Variants in KLF3 observed in about 807,000 individuals in gnomAD.
KLF3 encodes Krueppel-like factor 3.
A neutral mutation model predicts 32.7 loss-of-function variants in KLF3; 6 were observed. The observed-to-expected ratio is 0.18, with a 90% CI of 0.10 to 0.36. The LOEUF (loss-of-function observed/expected upper bound fraction) is 0.36. Among genes scored for constraint, KLF3 ranks in the 10% least tolerant of loss-of-function variants. The pLI is 1.00. For synonymous variants in KLF3, 145 were observed against 172.8 expected, an observed-to-expected ratio of 0.84 and a Z score of 1.26; for missense variants, 338 against 449.7, an observed-to-expected ratio of 0.75 and a Z score of 2.25.
chr4:38,693,363 C>T lies in KLF3; in HGVS notation c.696-1383C>T, dbSNP rs1722944104. The stretch of plus-strand genomic sequence containing the variant: ...TAATGTTTTTTTTAAAAAAAAAAAG[C>T]ATGAGAAGTAAGGTCACTTAAGAAA... On this transcript the variant is annotated intron_variant, in intron 4 of 5. Transcript: ENST00000261438. 2.7e-5 allele frequency among the ~76,000 whole-genome samples: 4 copies of T among 149,666 alleles called. No homozygotes were observed. The South Asian group carries it at 8.4e-4, about 31-fold the overall frequency.
intron 2 of KLF3, among the ~76,000 whole-genome samples, chr4:38,683,475 A>G (rs913260151): frequency 3.3e-5 from 5 of 152,086 alleles, no homozygotes; most frequent in African/African-American, 1.2e-4. Context: ...GGAACAGAGG[A>G]GACTCTCCCT....
intron 2 of KLF3, among the ~76,000 whole-genome samples, chr4:38,685,748 T>C (rs1268761691): frequency 1.3e-5 from 2 of 152,186 alleles, no homozygotes; most frequent in East Asian, 3.8e-4. Flanking sequence ...CTGCCTCCCA[T>C]TTCCTAAAGT....
At position 38,664,330 on chromosome 4, in the gene KLF3, C is replaced by T. The variant is rs931120583; in HGVS notation, c.-171C>T. 1 of 152,054 alleles carries T rather than the reference C, an allele frequency of 6.6e-6. No homozygotes were observed. The highest frequency in any genetic ancestry group is 2.4e-5 in the African/African-American group (1 of 41,406). The allele number at this position is 152,054 out of a possible 1,614,324, so 9.4% of individuals were successfully genotyped here. Reference sequence around the variant, plus strand: ...CGAGAGCGCCCGCCGCACGCGCGCCCGTCCCCGTCCCCTGCGGCCGCCAAC... The same window carrying T: ...CGAGAGCGCCCGCCGCACGCGCGCCTGTCCCCGTCCCCTGCGGCCGCCAAC... On this transcript the variant is annotated 5_prime_UTR_variant, in exon 1 of 6. Coordinates refer to ENST00000261438, the MANE Select transcript of KLF3 (RefSeq NM_016531.6).
At position 38,688,785 on chromosome 4, in the gene KLF3, C is replaced by T; in HGVS notation, c.258C>T (p.Ser86=). The T allele has an allele frequency of 6.2e-7, 1 of 1,614,236 alleles. No homozygotes were observed. Among genetic ancestry groups the T allele is most frequent in the Non-Finnish European group, 8.5e-7 (1 of 1,180,042 alleles). Residue 86 remains serine, a synonymous_variant, in exon 3 of 6, where the codon TCC becomes TCT. Coordinates refer to ENST00000261438, the MANE Select transcript of KLF3 (RefSeq NM_016531.6). This position sits in a 1 kb window ranked among gnomAD's most constrained non-coding sequence, Gnocchi z 4.9. Reference sequence around the variant, plus strand: ...CGCCCTCCTCTCTGAAGTTCCCGTCCTCACACCGGAGAGCCTCGCCTGGGT... The same window carrying T: ...CGCCCTCCTCTCTGAAGTTCCCGTCTTCACACCGGAGAGCCTCGCCTGGGT... ...GNSPSSLKFP[S]SHRRASPGLS... is the part of the protein sequence containing the mutation.
rs1723159489 is a variant in KLF3 at position 38,700,202 on chromosome 4, G to A, written c.*2939G>A. The stretch of plus-strand genomic sequence containing the variant: ...AGCAGCATAGCTATATTCAACTAGG[G>A]AGATGCTAAATACACAGAAGTTTCA... On this transcript the variant is annotated 3_prime_UTR_variant, in exon 6 of 6. Coordinates refer to ENST00000261438, the MANE Select transcript of KLF3 (RefSeq NM_016531.6). The A allele has an allele frequency of 6.6e-6, 1 of 152,154 alleles. No individual in the cohort carries two copies. The highest frequency in any genetic ancestry group is 6.5e-5 in the Admixed American group (1 of 15,276). 9.4% of individuals were successfully genotyped at this position (152,154 alleles called of 1,614,324 possible).
chr4:38,696,650 A>AT (rs1192392714), intron 5 of KLF3, among the ~76,000 whole-genome samples: 1 of 152,210 alleles, frequency 6.6e-6, no homozygotes, highest in Non-Finnish European at 1.5e-5. Context: ...GAGACTTCAT[A>AT]TTTTTGGAAA....
At chr4:38,676,115 A>G (rs114795613) in intron 1 of KLF3, among the ~76,000 whole-genome samples, 165 of 152,260 alleles carry the variant, frequency 1.1e-3, no homozygotes, top group African/African-American at 3.6e-3. Flanking sequence ...TGGCTTCCCT[A>G]TCTTGTCTTT....
Position 38,688,485 on chromosome 4 carries a change from G to A in KLF3, c.58-100G>A. On this transcript the variant is annotated intron_variant, in intron 2 of 5. Coordinates refer to ENST00000261438, the MANE Select transcript of KLF3 (RefSeq NM_016531.6). This position sits in a 1 kb window ranked among gnomAD's most constrained non-coding sequence, Gnocchi z 4.9. ...ATCTAAACTATTTTGTAAAGCCCAT[G>A]TAATTGTTAAGTGCCTTGTTAGCAT... The A allele has an allele frequency of 3.4e-6, 4 of 1,172,282 alleles. No individual in the cohort carries two copies. Among genetic ancestry groups the A allele is most frequent in the Non-Finnish European group, 4.8e-6 (4 of 831,512 alleles). The allele number at this position is 1,172,282 out of a possible 1,614,324, so 72.6% of individuals were successfully genotyped here.
chr4:38,678,439 A>G (rs1441300553), intron 1 of KLF3, among the ~76,000 whole-genome samples: 1 of 152,164 alleles, frequency 6.6e-6, no homozygotes, highest in Non-Finnish European at 1.5e-5. Flanking sequence ...AATACATAAG[A>G]GGGTAGTAGC....
chr4:38,681,824 T>A (rs1722534460), intron 2 of KLF3, among the ~76,000 whole-genome samples: 1 of 152,212 alleles, frequency 6.6e-6, no homozygotes, highest in South Asian at 2.1e-4. Flanking sequence ...TCCTTGTGCA[T>A]GGGCTCTGGA....
chr4:38,699,094 C>T lies in KLF3; in HGVS notation c.*1831C>T, dbSNP rs1230803632. 1 of 152,174 alleles carries T rather than the reference C, an allele frequency of 6.6e-6. No homozygotes were observed. Among genetic ancestry groups the T allele is most frequent in the Non-Finnish European group, 1.5e-5 (1 of 68,030 alleles). The allele number at this position is 152,174 out of a possible 1,614,324, so 9.4% of individuals were successfully genotyped here. On this transcript the variant is annotated 3_prime_UTR_variant, in exon 6 of 6. Transcript: ENST00000261438. ...GGCTAAGAGGTCCCACTCATCCGCCCTGTGAACCAGCTGTAAAGAAATGTA... is the reference window on the plus strand; with the variant it reads ...GGCTAAGAGGTCCCACTCATCCGCCTTGTGAACCAGCTGTAAAGAAATGTA...
intron 1 of KLF3, among the ~76,000 whole-genome samples, chr4:38,680,222 T>G (rs150465371): frequency 0.01 from 1,530 of 148,742 alleles, 23 homozygotes; most frequent in African/African-American, 0.036. Context: ...TTTATTTATG[T>G]TTTTTTTTTG....
rs145248877 is a variant in KLF3 at position 38,693,065 on chromosome 4, T to C, written c.696-1681T>C. Among the ~76,000 whole-genome samples the C allele has an allele frequency of 7.7e-3, 1,121 of 146,506 alleles. 17 individuals are homozygous for C. The highest frequency in any genetic ancestry group is 0.026 in the African/African-American group (1,036 of 40,248). ...TCTGCTGTTTGCACATATATATATA[T>C]GTATATATATACACATATATATACA... On this transcript the variant is annotated intron_variant, in intron 4 of 5. Coordinates refer to ENST00000261438, the MANE Select transcript of KLF3 (RefSeq NM_016531.6).
chr4:38,674,541 G>C lies in KLF3; in HGVS notation c.-39-6046G>C, dbSNP rs1195012251. Reference sequence around the variant, plus strand: ...CCAAAAACTTAGAAGAGTTGAAAGGGAGGCTTAGCGATGGTGTGTTAGTGT... The same window carrying C: ...CCAAAAACTTAGAAGAGTTGAAAGGCAGGCTTAGCGATGGTGTGTTAGTGT... On this transcript the variant is annotated intron_variant, in intron 1 of 5. Transcript: ENST00000261438. The surrounding 1 kb of genome is among the most constrained non-coding windows in gnomAD (Gnocchi z 4.1). Among the ~76,000 whole-genome samples, 1 of 152,008 alleles carries C rather than the reference G, an allele frequency of 6.6e-6. No individual in the cohort carries two copies. Among genetic ancestry groups the C allele is most frequent in the Non-Finnish European group, 1.5e-5 (1 of 68,008 alleles).
intron 2 of KLF3, among the ~76,000 whole-genome samples, chr4:38,681,821 G>T (rs914266828): frequency 1.3e-5 from 2 of 152,208 alleles, no homozygotes; most frequent in Non-Finnish European, 2.9e-5. Flanking sequence ...TCATCCTTGT[G>T]CATGGGCTCT....
chr4:38,698,927 CAACTTT>C lies in KLF3; in HGVS notation c.*1669_*1674del, dbSNP rs1169749259. ...CCCAGCCGCAACTCAGGATCCAACACAACTTTAACTGGGAGGAATACATTGTTTGAT... is the reference window on the plus strand; with the variant it reads ...CCCAGCCGCAACTCAGGATCCAACACAACTGGGAGGAATACATTGTTTGAT... On this transcript the variant is annotated 3_prime_UTR_variant, in exon 6 of 6. Transcript: ENST00000261438. 2 of 152,150 alleles carry C rather than the reference CAACTTT, an allele frequency of 1.3e-5. No individual in the cohort carries two copies. The highest frequency in any genetic ancestry group is 2.9e-5 in the Non-Finnish European group (2 of 68,038). The allele number at this position is 152,150 out of a possible 1,614,324, so 9.4% of individuals were successfully genotyped here.
chr4:38,665,365 G>A (rs1287811612), intron 1 of KLF3, among the ~76,000 whole-genome samples: 2 of 152,162 alleles, frequency 1.3e-5, no homozygotes, highest in African/African-American at 2.4e-5. Flanking sequence ...ACATTTCCAA[G>A]TGGCTTTCTT....
intron 1 of KLF3, among the ~76,000 whole-genome samples, chr4:38,670,750 A>G (rs1352367619): frequency 6.6e-6 from 1 of 152,254 alleles, no homozygotes; most frequent in African/African-American, 2.4e-5. Flanking sequence ...GCCGCTGGAC[A>G]GAGTTTCCAT....
chr4:38,683,473 G>A (rs1722590629), intron 2 of KLF3, among the ~76,000 whole-genome samples: 1 of 152,072 alleles, frequency 6.6e-6, no homozygotes, highest in African/African-American at 2.4e-5. Context: ...GAGGAACAGA[G>A]GAGACTCTCC....
Sources: allele counts gnomAD v4.1 joint callset (sites outside exome capture counted in the v4.1 genomes callset), GRCh38; gene constraint gnomAD v4.1.1; non-coding constraint Gnocchi (gnomAD v3.1); transcripts MANE v1.5; gene names NCBI Gene and HGNC (gene_info 2026-07-23, HGNC 2026-07-21).